Variants in RALGAPA2 observed in about 807,000 individuals in gnomAD.
RALGAPA2 encodes the protein Ral GTPase activating protein catalytic subunit alpha 2.
RALGAPA2 carries 139 observed loss-of-function variants against 230.4 expected under a neutral mutation model. The ratio of observed to expected loss-of-function variants is 0.60; its 90% CI spans 0.53 to 0.69. The LOEUF is 0.69. RALGAPA2 is among the 30% of genes least tolerant of loss of function. The pLI is 0.00. For synonymous variants in RALGAPA2, 847 were observed against 837.8 expected (o/e 1.01, Z -0.19); for missense variants, 2,163 against 2,276.0 (o/e 0.95, Z 1.01).
chr20:20,561,277 T>C (rs2064249334), intron 23 of RALGAPA2, among the ~76,000 whole-genome samples: 1 of 152,190 alleles, frequency 6.6e-6, no homozygotes, highest in Admixed American at 6.5e-5. Context: ...CTTCAGACAT[T>C]TGAAAAAGGC....
rs535153406 is a variant in RALGAPA2 at position 20,440,765 on chromosome 20, A to G, written c.5496-28617T>C. 1.1e-3 allele frequency among the ~76,000 whole-genome samples: 172 copies of G among 152,282 alleles called. 1 individual carries two copies. Among genetic ancestry groups the G allele is most frequent in the African/African-American group, 3.9e-3 (160 of 41,548 alleles). The stretch of plus-strand genomic sequence containing the variant: ...TCCTTGGCAGCTGACGGGCAACCTC[A>G]CTGCCAGGTGGTCGCGCTTCAATTA... On this transcript the variant is annotated intron_variant, in intron 37 of 39. Transcript: ENST00000202677.
intron 10 of RALGAPA2, among the ~76,000 whole-genome samples, chr20:20,622,697 C>G (rs1214784671): frequency 6.6e-6 from 1 of 151,962 alleles, no homozygotes; most frequent in South Asian, 2.1e-4. Context: ...TAAAACTTAT[C>G]CTTTAGATAG....
intron 37 of RALGAPA2, among the ~76,000 whole-genome samples, chr20:20,467,000 C>T (rs1266064527): frequency 1.3e-5 from 2 of 152,240 alleles, no homozygotes; most frequent in Non-Finnish European, 2.9e-5. Context: ...GCTTGATAAA[C>T]ATGTTTTAGA....
At chr20:20,615,003 G>A (rs2066090832) in intron 13 of RALGAPA2, among the ~76,000 whole-genome samples, 1 of 152,126 alleles carries the variant, frequency 6.6e-6, no homozygotes, top group Non-Finnish European at 1.5e-5. Context: ...TGGAATGAGA[G>A]GGAACACACA....
chr20:20,487,102 T>C (rs2061930804), intron 36 of RALGAPA2, among the ~76,000 whole-genome samples: 8 of 152,224 alleles, frequency 5.3e-5, no homozygotes, highest in Admixed American at 5.2e-4. Context: ...CTTAGAATTG[T>C]TTATTTTGCC....
At chr20:20,401,031 G>A (rs777367011) in intron 38 of RALGAPA2, among the ~76,000 whole-genome samples, 2 of 152,194 alleles carry the variant, frequency 1.3e-5, no homozygotes, top group Non-Finnish European at 2.9e-5. Context: ...AGGAGTGGGC[G>A]GGGAGAAGTG....
At position 20,512,564 on chromosome 20, in the gene RALGAPA2, T is replaced by A; in HGVS notation, c.4805A>T (p.Tyr1602Phe). Reference sequence around the variant, plus strand: ...GTCATCAAGCAATAACCTGCAGAAATAAAAGGGTCCTCGGGGCTCCACTGG... The same window carrying A: ...GTCATCAAGCAATAACCTGCAGAAAAAAAAGGGTCCTCGGGGCTCCACTGG... The part of the protein sequence containing the change: ...PSPVEPRGPF[Y>F]FCRLLLDDLG... The change falls in exon 32 of 40, where the codon TAT becomes TTT. Residue 1602 changes from tyrosine (Y) to phenylalanine (F), a missense_variant. By Grantham distance (22) the Tyr-to-Phe change is conservative. Transcript: ENST00000202677. The A allele has an allele frequency of 6.2e-7, 1 of 1,612,994 alleles. No homozygotes were observed.
intron 16 of RALGAPA2, among the ~76,000 whole-genome samples, chr20:20,598,270 A>G (rs1479411328): frequency 6.6e-6 from 1 of 152,194 alleles, no homozygotes; most frequent in Non-Finnish European, 1.5e-5. Flanking sequence ...TCCCGCCTAC[A>G]TACATTTTTC....
At position 20,389,904 on chromosome 20, in the gene RALGAPA2, T is replaced by A. The variant is rs146231813; in HGVS notation, c.*3385A>T. 1 of 152,080 alleles carries A rather than the reference T, an allele frequency of 6.6e-6. No homozygotes were observed. Among genetic ancestry groups the A allele is most frequent in the Non-Finnish European group, 1.5e-5 (1 of 68,010 alleles). 9.4% of individuals were successfully genotyped at this position (152,080 alleles called of 1,614,324 possible). A position where few individuals can be genotyped will look rare whatever the true frequency, so the allele number is the denominator to read the frequency against. On this transcript the variant is annotated 3_prime_UTR_variant, in exon 40 of 40. Coordinates refer to ENST00000202677, the MANE Select transcript of RALGAPA2 (RefSeq NM_020343.4). ...AACTTAATTTACCATATTTATCAAA[T>A]TTTTTCCTTATTTACATGTACTAAA... is the stretch of plus-strand genomic sequence containing the variant.
chr20:20,648,146 A>G (rs1369237623), intron 4 of RALGAPA2, among the ~76,000 whole-genome samples: 2 of 152,268 alleles, frequency 1.3e-5, no homozygotes, highest in Non-Finnish European at 2.9e-5. Flanking sequence ...GGAATACTGT[A>G]CTACTCAGAA....
chr20:20,536,929 G>A (rs528812193), intron 24 of RALGAPA2, 145 bp from the exon 25 acceptor site: 2 of 975,416 alleles, frequency 2.1e-6, no homozygotes, highest in African/African-American at 3.3e-5. Context: ...TTAAGCAAAA[G>A]AGGTTTGCCT....
intron 16 of RALGAPA2, among the ~76,000 whole-genome samples, chr20:20,599,798 C>A (rs2065576874): frequency 6.6e-6 from 1 of 152,032 alleles, no homozygotes; most frequent in South Asian, 2.1e-4. Flanking sequence ...CATGGTGAAA[C>A]CCCATCTCTA....
intron 1 of RALGAPA2, among the ~76,000 whole-genome samples, chr20:20,704,186 C>T (rs1264319692): frequency 6.6e-6 from 1 of 152,094 alleles, no homozygotes; most frequent in African/African-American, 2.4e-5. Flanking sequence ...CCCATTCCTG[C>T]TTCTTTCAAG....
intron 17 of RALGAPA2, among the ~76,000 whole-genome samples, 184 bp downstream of exon 17, chr20:20,590,993 A>T (rs2065272317): frequency 6.6e-6 from 1 of 152,182 alleles, no homozygotes; most frequent in African/African-American, 2.4e-5. Context: ...AATAATTTAG[A>T]TAAACAGGTT....
intron 13 of RALGAPA2, among the ~76,000 whole-genome samples, chr20:20,611,801 G>C (rs2065983363): frequency 6.6e-6 from 1 of 152,204 alleles, no homozygotes; most frequent in Non-Finnish European, 1.5e-5. Context: ...GCTATCCACT[G>C]TTTTACTTAA....
chr20:20,655,268 C>T (rs1378971338), intron 3 of RALGAPA2, among the ~76,000 whole-genome samples: 1 of 151,242 alleles, frequency 6.6e-6, no homozygotes, highest in Non-Finnish European at 1.5e-5. Flanking sequence ...TCCAAGATTT[C>T]ATGAATAGTG....
At chr20:20,393,314 T>C in intron 39 of RALGAPA2, 61 bp from the exon 40 acceptor site, 1 of 1,177,696 alleles carries the variant, frequency 8.5e-7, no homozygotes, top group South Asian at 1.5e-5. Context: ...CGGCCACACA[T>C]TTCAGGGAGG....
chr20:20,440,207 C>G (rs1453240380), intron 37 of RALGAPA2, among the ~76,000 whole-genome samples: 2 of 152,040 alleles, frequency 1.3e-5, no homozygotes, highest in Non-Finnish European at 2.9e-5. Flanking sequence ...AGCAAAATGA[C>G]CTGGCCCAGA....
intron 37 of RALGAPA2, among the ~76,000 whole-genome samples, chr20:20,428,132 T>G (rs902756931): frequency 1.3e-5 from 2 of 152,240 alleles, no homozygotes; most frequent in Non-Finnish European, 2.9e-5. Flanking sequence ...TACTCTTCAA[T>G]GAAAACTGTC....
Sources: allele counts gnomAD v4.1 joint callset (sites outside exome capture counted in the v4.1 genomes callset), GRCh38; gene constraint gnomAD v4.1.1; transcripts MANE v1.5; gene names NCBI Gene and HGNC (gene_info 2026-07-23, HGNC 2026-07-21).